SAMTOR: variants seen among roughly 807,000 people sequenced by gnomAD.
The protein encoded by SAMTOR is S-adenosylmethionine sensor upstream of mTORC1, also known as UPF0532 protein C7orf60.
chr7:112,926,855 T>G, the SAMTOR span, among the ~76,000 whole-genome samples: 2 of 152,100 alleles, frequency 1.3e-5, no homozygotes, highest in African/African-American at 4.8e-5. Context: ...GACCCAAAAC[T>G]TTTATTTCAT....
At chr7:112,939,293 T>C in the SAMTOR span, 11 of 465,874 alleles carry the variant, frequency 2.4e-5, no homozygotes, top group Non-Finnish European at 4.2e-5. Flanking sequence ...TGTGTTTGTG[T>C]GTGCCGAGAC....
At chr7:112,898,843 A>G in the SAMTOR span, among the ~76,000 whole-genome samples, 2 of 152,226 alleles carry the variant, frequency 1.3e-5, no homozygotes, top group South Asian at 2.1e-4. Context: ...GAATTCAGCA[A>G]TCTGCAGAAG....
chr7:112,893,796 G>A, the SAMTOR span, among the ~76,000 whole-genome samples: 3 of 152,226 alleles, frequency 2.0e-5, no homozygotes. Flanking sequence ...CAGCTACTCA[G>A]GAGGCTGAGG....
At chr7:112,860,770 G>C in the SAMTOR span, among the ~76,000 whole-genome samples, 11 of 151,808 alleles carry the variant, frequency 7.2e-5, no homozygotes, top group Non-Finnish European at 1.5e-4. Context: ...AAATTAGCCG[G>C]GCATGGTGGC....
chr7:112,913,467 G>A, the SAMTOR span, among the ~76,000 whole-genome samples: 1 of 152,162 alleles, frequency 6.6e-6, no homozygotes, highest in African/African-American at 2.4e-5. Flanking sequence ...TTTCTAACTG[G>A]GTTCCCTTAC....
At chr7:112,936,780 A>C in the SAMTOR span, among the ~76,000 whole-genome samples, 1 of 151,726 alleles carries the variant, frequency 6.6e-6, no homozygotes, top group Non-Finnish European at 1.5e-5. Context: ...TCCCCAAAAA[A>C]CCCTCACCTT....
the SAMTOR span, among the ~76,000 whole-genome samples, chr7:112,909,541 A>G: frequency 1.1e-4 from 16 of 152,304 alleles, no homozygotes; most frequent in South Asian, 2.1e-4. Context: ...TGTTTCAAGC[A>G]ACTTTTAAGC....
chr7:112,889,080 T>C, the SAMTOR span, among the ~76,000 whole-genome samples: 2 of 152,202 alleles, frequency 1.3e-5, no homozygotes, highest in Admixed American at 6.5e-5. Context: ...TAACAATGCC[T>C]AGTAAAAAGA....
the SAMTOR span, among the ~76,000 whole-genome samples, chr7:112,825,331 T>A: frequency 1.3e-5 from 2 of 152,132 alleles, no homozygotes; most frequent in South Asian, 4.1e-4. Flanking sequence ...CCACCTTAGG[T>A]CATCTTTACT....
the SAMTOR span, among the ~76,000 whole-genome samples, chr7:112,909,395 A>G: frequency 4.6e-5 from 7 of 152,324 alleles, no homozygotes; most frequent in Admixed American, 4.6e-4. Context: ...ATATCTTTTT[A>G]TAAGGTTTGA....
the SAMTOR span, among the ~76,000 whole-genome samples, chr7:112,831,385 AG>A: frequency 6.6e-6 from 1 of 152,214 alleles, no homozygotes; most frequent in Non-Finnish European, 1.5e-5. Flanking sequence ...GGCTGGGTGC[AG>A]TAGCTCATGC....
the SAMTOR span, among the ~76,000 whole-genome samples, chr7:112,835,207 C>T: frequency 2.6e-5 from 4 of 151,956 alleles, no homozygotes; most frequent in East Asian, 3.9e-4. Context: ...AAATTTATCT[C>T]GATTGTTTAT....
chr7:112,935,067 G>C, the SAMTOR span: 1 of 245,400 alleles, frequency 4.1e-6, no homozygotes. Context: ...AGGACCTTCT[G>C]TGACAACCTT....
chr7:112,876,288 T>C, the SAMTOR span, among the ~76,000 whole-genome samples: 4 of 138,804 alleles, frequency 2.9e-5, no homozygotes, highest in African/African-American at 1.4e-4. Flanking sequence ...AACTATTTTC[T>C]GATTTTTGAA....
chr7:112,879,364 C>T, the SAMTOR span, among the ~76,000 whole-genome samples: 7 of 151,812 alleles, frequency 4.6e-5, no homozygotes, highest in African/African-American at 1.7e-4. Flanking sequence ...AAGAGAGACA[C>T]AGAGAAAGGG....
chr7:112,888,274 T>C, the SAMTOR span, among the ~76,000 whole-genome samples: 1 of 152,336 alleles, frequency 6.6e-6, no homozygotes, highest in Non-Finnish European at 1.5e-5. Flanking sequence ...AATTCTGTTG[T>C]AGTGTGAGAG....
the SAMTOR span, among the ~76,000 whole-genome samples, chr7:112,849,308 T>C: frequency 1.3e-5 from 2 of 152,148 alleles, no homozygotes; most frequent in Non-Finnish European, 2.9e-5. Flanking sequence ...TTCACAGAAA[T>C]AGAAAATAGT....
At chr7:112,937,935 GTTAAT>G in the SAMTOR span, among the ~76,000 whole-genome samples, 5 of 151,756 alleles carry the variant, frequency 3.3e-5, no homozygotes, top group Admixed American at 6.6e-5. Flanking sequence ...ACATTAGTGT[GTTAAT>G]TTGAGTGGAA....
At chr7:112,939,430 C>G in the SAMTOR span, 4 of 1,120,338 alleles carry the variant, frequency 3.6e-6, no homozygotes, top group Non-Finnish European at 5.0e-6. Flanking sequence ...CGTCTGATGC[C>G]GACTAGGGGG....
Sources: gnomAD v4.1 joint callset for allele counts (sites outside exome capture counted in the v4.1 genomes callset) on GRCh38, gnomAD v4.1.1 for gene constraint, MANE v1.5 for transcripts, NCBI Gene and HGNC (gene_info 2026-07-23, HGNC 2026-07-21) for gene names.